Variants in SNX4 observed in about 807,000 individuals in gnomAD.
SNX4 encodes the protein sorting nexin-4.
Under a neutral mutation model 70.8 loss-of-function variants are expected in SNX4, and 49 were observed. The ratio of observed to expected loss-of-function variants is 0.69; its 90% confidence interval spans 0.55 to 0.88. The LOEUF (loss-of-function observed/expected upper bound fraction) is 0.88, where lower values mean the gene tolerates loss of function less well. Ranked by LOEUF, SNX4 falls within the 40% of genes least tolerant of loss-of-function variation. The probability of loss-of-function intolerance (pLI) is 0.00; values close to 1 mark genes in which losing one functional copy is unlikely to be tolerated. For missense variants in SNX4, 528 were observed against 544.8 expected (o/e 0.97, Z 0.31); for synonymous variants, 206 against 183.8 (o/e 1.12, Z -0.98).
chr3:125,450,921 C>G (rs968265939), intron 13 of SNX4, among the ~76,000 whole-genome samples: 1 of 151,988 alleles, frequency 6.6e-6, no homozygotes, highest in African/African-American at 2.4e-5. Context: ...AATGGAGATA[C>G]AAATTTGGAC....
Position 125,480,315 on chromosome 3 carries a change from A to G in SNX4, c.658T>C (p.Phe220Leu), listed in dbSNP as rs1170014623. 1 of 1,514,152 alleles carries G rather than the reference A, an allele frequency of 6.6e-7. No homozygotes were observed. The highest frequency in any genetic ancestry group is 8.9e-7 in the Non-Finnish European group (1 of 1,124,994). 93.8% of individuals were successfully genotyped at this position (1,514,152 alleles called of 1,614,324 possible). A position where few individuals can be genotyped will look rare whatever the true frequency, so the allele number is the denominator to read the frequency against. ...TCACTATAGTGCTTAAGGTCAGTAA[A>G]TCTCCTGAAACAGGAAACAAATAAA... ...TFRVKNPDKR[F>L]TDLKHYSDEL... The change falls in exon 7 of 14, where the codon TTT (phenylalanine) becomes CTT (leucine). Residue 220 changes from phenylalanine (F) to leucine (L), a missense_variant. By Grantham distance (22) the Phe-to-Leu change is conservative. This residue lies in a region of SNX4 where 341 missense variants were observed against 312.2 expected (regional missense o/e 1.09). Coordinates refer to ENST00000251775, the MANE Select transcript of SNX4 (RefSeq NM_003794.4).
At chr3:125,509,031 A>C (rs1335977610) in intron 1 of SNX4, among the ~76,000 whole-genome samples, 1 of 152,128 alleles carries the variant, frequency 6.6e-6, no homozygotes, top group African/African-American at 2.4e-5. Flanking sequence ...AATGTCGTGC[A>C]TCAAAAGACA....
intron 8 of SNX4, among the ~76,000 whole-genome samples, chr3:125,472,715 A>G (rs919783263): frequency 5.3e-5 from 8 of 151,898 alleles, no homozygotes; most frequent in Non-Finnish European, 8.8e-5. Context: ...CCTCCCTCCA[A>G]TCCCCCAAAA....
chr3:125,509,330 C>CAA lies in SNX4; in HGVS notation c.142-4588_142-4587dup, dbSNP rs577424404. On this transcript the variant is annotated intron_variant, in intron 1 of 13. Transcript: ENST00000251775. ...GGGCAACAAGAGCGAAACTCCGTCT[C>CAA]AAAAAAAAAAAAAAAAAAGAGAGAA... 2.5e-3 allele frequency among the ~76,000 whole-genome samples: 140 copies of CAA among 55,208 alleles called. 1 individual carries two copies. The highest frequency in any genetic ancestry group is 7.4e-3 in the African/African-American group (132 of 17,920). 36.2% of individuals were successfully genotyped at this position (55,208 alleles called of 152,430 possible).
At chr3:125,499,108 C>A (rs888489478) in intron 2 of SNX4, among the ~76,000 whole-genome samples, 4 of 152,138 alleles carry the variant, frequency 2.6e-5, no homozygotes, top group African/African-American at 9.7e-5. Context: ...GTAGGCAATG[C>A]CATGTCTCAT....
chr3:125,455,724 T>C (rs189477526), intron 11 of SNX4, among the ~76,000 whole-genome samples: 1 of 152,256 alleles, frequency 6.6e-6, no homozygotes, highest in Non-Finnish European at 1.5e-5. Flanking sequence ...TTTAAAACTA[T>C]AGTGCTTGGC....
rs556549237 is a variant in SNX4, at chr3:125,456,490, A to G, written c.1044+776T>C. 7.9e-5 allele frequency among the ~76,000 whole-genome samples: 12 copies of G among 152,068 alleles called. No homozygotes were observed. The South Asian group carries it at 2.5e-3, about 32-fold the overall frequency. On this transcript the variant is annotated intron_variant, in intron 11 of 13. Transcript: ENST00000251775. ...ACCCTGGTCAACATGATGAGACTAT[A>G]AACAAAATTAGCCAGGCATGGGGGC...
intron 5 of SNX4, among the ~76,000 whole-genome samples, chr3:125,495,250 T>TTTTTTATATATATATATA (rs869243473): frequency 2.6e-5 from 1 of 38,166 alleles, no homozygotes; most frequent in Non-Finnish European, 6.2e-5. Context: ...CATTCTCTCT[T>TTTTTTATATATATATATA]TATATATATA....
At chr3:125,501,388 G>A (rs2107563054) in intron 2 of SNX4, among the ~76,000 whole-genome samples, 1 of 152,302 alleles carries the variant, frequency 6.6e-6, no homozygotes, top group Non-Finnish European at 1.5e-5. Flanking sequence ...AGGAGGCCAA[G>A]GCAGGCAGAT....
At chr3:125,494,900 G>T (rs1282379615) in intron 5 of SNX4, among the ~76,000 whole-genome samples, 1 of 152,136 alleles carries the variant, frequency 6.6e-6, no homozygotes, top group South Asian at 2.1e-4. Context: ...ATTCTGCGAT[G>T]TGTGACTCAC....
intron 9 of SNX4, among the ~76,000 whole-genome samples, chr3:125,467,141 C>T (rs1934045000): frequency 6.7e-6 from 1 of 148,356 alleles, no homozygotes; most frequent in Non-Finnish European, 1.5e-5. Context: ...AATCCAAGCA[C>T]TTCGGGAGGC....
At chr3:125,500,048 G>A (rs937254055) in intron 2 of SNX4, among the ~76,000 whole-genome samples, 3 of 150,224 alleles carry the variant, frequency 2.0e-5, no homozygotes, top group African/African-American at 2.5e-5. Flanking sequence ...CAACAAGAGC[G>A]AAACTCCATC....
chr3:125,450,732 A>G (rs1253099659), intron 13 of SNX4, among the ~76,000 whole-genome samples: 1 of 152,228 alleles, frequency 6.6e-6, no homozygotes, highest in Non-Finnish European at 1.5e-5. Flanking sequence ...TTCACTATGG[A>G]TATCAGCAAC....
intron 2 of SNX4, 48 bp downstream of exon 2, chr3:125,504,575 A>G: frequency 6.4e-7 from 1 of 1,569,330 alleles, no homozygotes. Flanking sequence ...AATAGCTATC[A>G]GAAAAAGCTT....
chr3:125,497,399 A>G lies in SNX4; in HGVS notation c.550-11T>C. On this transcript the variant is annotated splice_polypyrimidine_tract_variant and intron_variant, in intron 4 of 13. Coordinates refer to ENST00000251775, the MANE Select transcript of SNX4 (RefSeq NM_003794.4). The stretch of plus-strand genomic sequence containing the variant: ...CTTCCAGTTACCTTCCTAAAAATTG[A>G]AGTTAATTTTAGAAATCATTATTGC... 2 of 1,569,890 alleles carry G rather than the reference A, an allele frequency of 1.3e-6. No homozygotes were observed. Among genetic ancestry groups the G allele is most frequent in the South Asian group, 1.1e-5 (1 of 89,692 alleles).
At chr3:125,466,849 C>T (rs1424387576) in intron 9 of SNX4, among the ~76,000 whole-genome samples, 1 of 152,090 alleles carries the variant, frequency 6.6e-6, no homozygotes, top group Non-Finnish European at 1.5e-5. Flanking sequence ...CTTTGGGAGG[C>T]TGAGGTGGGC....
chr3:125,515,488 C>A (rs1183732681), intron 1 of SNX4, among the ~76,000 whole-genome samples: 3 of 150,522 alleles, frequency 2.0e-5, no homozygotes, highest in Non-Finnish European at 4.4e-5. Context: ...ATAGGGAGAT[C>A]TTGTCTCTAC....
chr3:125,451,155 CAG>C (rs2107838356), intron 13 of SNX4, 148 bp downstream of exon 13: 2 of 430,818 alleles, frequency 4.6e-6, no homozygotes, highest in East Asian at 7.3e-5. Context: ...CAAAATAAAA[CAG>C]AAATCCTACA....
intron 10 of SNX4, among the ~76,000 whole-genome samples, chr3:125,459,859 G>A (rs1248174962): frequency 2.8e-5 from 3 of 105,498 alleles, no homozygotes; most frequent in Non-Finnish European, 5.4e-5. Flanking sequence ...CAGAGGTAAG[G>A]GAATAGTGCT....
Sources: allele counts gnomAD v4.1 joint callset (sites outside exome capture counted in the v4.1 genomes callset), GRCh38; gene constraint gnomAD v4.1.1; regional missense constraint gnomAD v4.1.1; transcripts MANE v1.5; gene names NCBI Gene and HGNC (gene_info 2026-07-23, HGNC 2026-07-21).